Variants in SDHA observed in about 807,000 individuals in gnomAD.
SDHA encodes the protein succinate dehydrogenase complex flavoprotein subunit A, also known as succinate dehydrogenase [ubiquinone] flavoprotein subunit, mitochondrial.
In SDHA, 48 loss-of-function variants were observed where a neutral mutation model predicts 78.4. That is an observed-to-expected ratio of 0.61 (90% CI 0.49 to 0.78). The LOEUF (loss-of-function observed/expected upper bound fraction) is 0.78, where lower values mean the gene tolerates loss of function less well. Ranked by LOEUF, SDHA falls within the 30% of genes least tolerant of loss-of-function variation. SDHA has a pLI of 0.00. For missense variants in SDHA, 680 were observed against 892.7 expected (o/e 0.76, Z 3.04); for synonymous variants, 326 against 353.9 (o/e 0.92, Z 0.88).
chr5:236,029 CT>C (rs1205898123), intron 9 of SDHA: 31 of 285,172 alleles, frequency 1.1e-4, no homozygotes, highest in East Asian at 5.0e-4. Flanking sequence ...ACTTCCCTCT[CT>C]TTTTTTTTCT....
At chr5:240,825 A>T (rs1736092663) in intron 11 of SDHA, among the ~76,000 whole-genome samples, 1 of 152,146 alleles carries the variant, frequency 6.6e-6, no homozygotes, top group Non-Finnish European at 1.5e-5. Flanking sequence ...CTCCTGTTCC[A>T]TCCGTGTGGC....
chr5:226,373 T>G (rs1022774097), intron 5 of SDHA, among the ~76,000 whole-genome samples: 1 of 152,244 alleles, frequency 6.6e-6, no homozygotes, highest in African/African-American at 2.4e-5. Flanking sequence ...GGCTCAGGTC[T>G]GTAATCCCAG....
At chr5:243,738 C>T (rs867275410) in intron 11 of SDHA, among the ~76,000 whole-genome samples, 8 of 152,128 alleles carry the variant, frequency 5.3e-5, no homozygotes, top group Admixed American at 2.0e-4. Context: ...ATGCTAATCC[C>T]GATTGCCAGG....
chr5:227,813 T>TTATTTTAATTAATTAAGTGGTTA, intron 5 of SDHA: 1 of 326,666 alleles, frequency 3.1e-6, no homozygotes, highest in Non-Finnish European at 5.9e-6. Flanking sequence ...TGGTTATGTG[T>TTATTTTAATTAATTAAGTGGTTA]TGCCAGTAGC....
At chr5:253,832 A>G (rs1174325749) in intron 13 of SDHA, among the ~76,000 whole-genome samples, 3 of 152,186 alleles carry the variant, frequency 2.0e-5, no homozygotes, top group African/African-American at 4.8e-5. Flanking sequence ...AGGCTGAGGC[A>G]GGCCAATGAC....
chr5:237,537 C>T (rs1391849730), intron 10 of SDHA, among the ~76,000 whole-genome samples: 2 of 134,156 alleles, frequency 1.5e-5, no homozygotes, highest in Admixed American at 7.2e-5. Context: ...TCCAGACATC[C>T]TCACGGTGGT....
intron 1 of SDHA, among the ~76,000 whole-genome samples, chr5:221,501 C>T (rs1485185326): frequency 6.6e-6 from 1 of 152,126 alleles, no homozygotes; most frequent in Non-Finnish European, 1.5e-5. Context: ...GATGAGGACC[C>T]CTTACTTTGC....
At chr5:252,739 C>T (rs183486074) in intron 13 of SDHA, among the ~76,000 whole-genome samples, 29 of 132,632 alleles carry the variant, frequency 2.2e-4, no homozygotes, top group African/African-American at 6.6e-4. Flanking sequence ...TATTAAATAA[C>T]GAGTAAGTCA....
chr5:260,908 C>T (rs1192000236), downstream of SDHA, among the ~76,000 whole-genome samples: 1 of 9,960 alleles, frequency 1.0e-4, no homozygotes, highest in Non-Finnish European at 2.2e-4. Flanking sequence ...CTCCGCCTCC[C>T]GCCAGAGCAT....
chr5:233,319 T>C (rs991650409), intron 7 of SDHA, among the ~76,000 whole-genome samples, 158 bp from the exon 8 acceptor site: 16 of 152,222 alleles, frequency 1.1e-4, no homozygotes, highest in Non-Finnish European at 2.2e-4. Context: ...TATCCAGACT[T>C]TCTACTGTAT....
rs1477103715 is a variant in SDHA, at chr5:257,030, A to G, written c.*610A>G. On this transcript the variant is annotated 3_prime_UTR_variant, in exon 15 of 15. Transcript: ENST00000264932. ...GTGTTGCCTAGGCTGGTCTCAAGTG[A>G]TCCTCCCTCCTTGGCCTCCCAAGGT... Among the ~76,000 whole-genome samples, 1 of 129,618 alleles carries G rather than the reference A, an allele frequency of 7.7e-6. No individual in the cohort carries two copies. Among genetic ancestry groups the G allele is most frequent in the Non-Finnish European group, 1.6e-5 (1 of 63,220 alleles). 85.0% of individuals were successfully genotyped at this position (129,618 alleles called of 152,430 possible).
rs560932680 is a variant in SDHA at position 218,355 on chromosome 5, C to G, written c.-1C>G. On this transcript the variant is annotated 5_prime_UTR_variant, in exon 1 of 15. Coordinates refer to ENST00000264932, the MANE Select transcript of SDHA (RefSeq NM_004168.4). ...GGGACTGCGCGGCGGCAACAGCAGA[C>G]ATGTCGGGGGTCCGGGGCCTGTCGC... The G allele has an allele frequency of 7.5e-6, 11 of 1,460,982 alleles. No homozygotes were observed. Among genetic ancestry groups the G allele is most frequent in the African/African-American group, 7.3e-5 (5 of 68,448 alleles). The allele number at this position is 1,460,982 out of a possible 1,614,324, so 90.5% of individuals were successfully genotyped here.
chr5:222,044 C>T lies in SDHA; in HGVS notation c.64-1438C>T, dbSNP rs754269526. Among the ~76,000 whole-genome samples, 62 of 147,254 alleles carry T rather than the reference C, an allele frequency of 4.2e-4. 1 individual carries two copies. The Middle Eastern group carries it at 0.01, about 24-fold the overall frequency. On this transcript the variant is annotated intron_variant, in intron 1 of 14. Transcript: ENST00000264932. ...ACTATGTTAATAGGGCACTTTACAA[C>T]ATTTTCAAGAACATTTGTATTAAAA...
chr5:229,771 A>C (rs754385374), intron 6 of SDHA, among the ~76,000 whole-genome samples: 1 of 151,576 alleles, frequency 6.6e-6, no homozygotes, highest in Non-Finnish European at 1.5e-5. Context: ...GGTTAGAGTT[A>C]ACATTATACA....
the SDHA span, among the ~76,000 whole-genome samples, chr5:265,336 T>G: frequency 1.3e-5 from 2 of 152,214 alleles, no homozygotes; most frequent in African/African-American, 4.8e-5. Flanking sequence ...CCAGGAGCAG[T>G]AGGCACATGA....
chr5:238,913 A>G (rs994435931), intron 10 of SDHA, among the ~76,000 whole-genome samples: 1 of 150,830 alleles, frequency 6.6e-6, no homozygotes, highest in African/African-American at 2.5e-5. Context: ...GTGAGCCAAG[A>G]TCACACCACT....
chr5:267,855 C>G, the SDHA span, among the ~76,000 whole-genome samples: 1 of 152,172 alleles, frequency 6.6e-6, no homozygotes, highest in African/African-American at 2.4e-5. Context: ...TCAGCAGAAC[C>G]AGGGGTGGGA....
downstream of SDHA, among the ~76,000 whole-genome samples, chr5:258,108 CCTCCCGACAGCATTACCGTGTGAGCTCCG>C: frequency 1.8e-5 from 1 of 55,524 alleles, no homozygotes; most frequent in African/African-American, 1.4e-4. Context: ...GTGAGCTCCG[CCTCCCGACAGCATTACCGTGTGAGCTCCG>C]CCCCCGTTAG....
chr5:245,404 A>G (rs986886628), intron 11 of SDHA, among the ~76,000 whole-genome samples: 5 of 152,208 alleles, frequency 3.3e-5, no homozygotes, highest in African/African-American at 1.2e-4. Flanking sequence ...TCGTGCAGTA[A>G]ACAACCTGCA....
Sources: gnomAD v4.1 joint callset for allele counts (sites outside exome capture counted in the v4.1 genomes callset) on GRCh38, gnomAD v4.1.1 for gene constraint, MANE v1.5 for transcripts, NCBI Gene and HGNC (gene_info 2026-07-23, HGNC 2026-07-21) for gene names.